The following NELL2 variants were observed in gnomAD, a reference collection of about 807,000 sequenced individuals.
NELL2 encodes the protein neural EGFL like 2.
Under a neutral mutation model 109.6 loss-of-function variants are expected in NELL2, and 41 were observed. The ratio of observed to expected loss-of-function variants is 0.37; its 90% CI spans 0.29 to 0.49. The LOEUF is 0.49. Ranked by LOEUF, NELL2 falls within the 20% of genes least tolerant of loss-of-function variation. NELL2 has a pLI of 0.98. For missense variants in NELL2, 900 were observed against 1,008.3 expected, an observed-to-expected ratio of 0.89 and a Z score of 1.45; for synonymous variants, 355 against 344.7, an observed-to-expected ratio of 1.03 and a Z score of -0.33.
chr12:44,574,974 T>C (rs1024234190), intron 15 of NELL2, among the ~76,000 whole-genome samples: 3 of 152,256 alleles, frequency 2.0e-5, no homozygotes, highest in African/African-American at 7.2e-5. Context: ...ATTAATTTAG[T>C]ATAAATTATA....
chr12:44,687,658 A>G (rs1592337643), intron 12 of NELL2, among the ~76,000 whole-genome samples: 1 of 152,220 alleles, frequency 6.6e-6, no homozygotes, highest in Non-Finnish European at 1.5e-5. Flanking sequence ...AGCAGTTGTT[A>G]ATTGACTTCA....
At chr12:44,589,478 G>A (rs548237997) in intron 15 of NELL2, among the ~76,000 whole-genome samples, 3 of 152,016 alleles carry the variant, frequency 2.0e-5, no homozygotes, top group South Asian at 4.2e-4. Context: ...CCACCTCCCA[G>A]GTTCAAATGA....
intron 16 of NELL2, among the ~76,000 whole-genome samples, chr12:44,523,815 G>A (rs1055060936): frequency 2.0e-5 from 3 of 152,138 alleles, no homozygotes; most frequent in Admixed American, 1.3e-4. Flanking sequence ...AAACAGTTTA[G>A]CAGTGGAAAT....
At chr12:44,777,782 C>A (rs1007386920) in intron 5 of NELL2, among the ~76,000 whole-genome samples, 1 of 152,144 alleles carries the variant, frequency 6.6e-6, no homozygotes, top group Non-Finnish European at 1.5e-5. Flanking sequence ...AAAGTGGGAT[C>A]TTTTAAAACT....
chr12:44,917,326 A>C (rs1017044936), upstream of NELL2, among the ~76,000 whole-genome samples: 2 of 152,224 alleles, frequency 1.3e-5, no homozygotes, highest in African/African-American at 4.8e-5. Flanking sequence ...ATTCAGAGAA[A>C]CCCAGCCCAA....
chr12:44,718,493 C>T (rs1938606056), intron 9 of NELL2, among the ~76,000 whole-genome samples: 1 of 152,168 alleles, frequency 6.6e-6, no homozygotes, highest in Admixed American at 6.5e-5. Flanking sequence ...TTCATTTCTT[C>T]CCTAGTTTTG....
intron 13 of NELL2, among the ~76,000 whole-genome samples, chr12:44,633,070 G>A (rs1030277158): frequency 4.0e-5 from 6 of 151,820 alleles, no homozygotes; most frequent in African/African-American, 1.4e-4. Flanking sequence ...ACACACACAT[G>A]CATACACACA....
chr12:44,729,294 T>G (rs1384712885), intron 9 of NELL2, among the ~76,000 whole-genome samples: 2 of 152,004 alleles, frequency 1.3e-5, no homozygotes, highest in Non-Finnish European at 2.9e-5. Flanking sequence ...TAAAATAGAT[T>G]GCTATATTTT....
At chr12:44,566,533 T>TCACACACACACACA (rs3071958) in intron 15 of NELL2, among the ~76,000 whole-genome samples, 4 of 148,760 alleles carry the variant, frequency 2.7e-5, no homozygotes, top group African/African-American at 1.0e-4. Flanking sequence ...TTACACATAC[T>TCACACACACACACA]CACACACACA....
At chr12:44,543,560 A>G (rs574439881) in intron 15 of NELL2, among the ~76,000 whole-genome samples, 1 of 152,336 alleles carries the variant, frequency 6.6e-6, no homozygotes, top group East Asian at 1.9e-4. Flanking sequence ...TAGGGAATAT[A>G]TGCTGTTATC....
chr12:44,819,422 G>T (rs1438826327), intron 2 of NELL2, among the ~76,000 whole-genome samples: 1 of 152,158 alleles, frequency 6.6e-6, no homozygotes, highest in Admixed American at 6.5e-5. Flanking sequence ...AAATCAAATT[G>T]ACTTTCTTTG....
At chr12:44,605,381 A>G (rs1185483260) in intron 15 of NELL2, among the ~76,000 whole-genome samples, 3 of 152,192 alleles carry the variant, frequency 2.0e-5, no homozygotes, top group African/African-American at 7.2e-5. Context: ...GCAACATAAC[A>G]TATAAACAGT....
At chr12:44,839,852 T>G (rs1944169096) in intron 2 of NELL2, among the ~76,000 whole-genome samples, 1 of 152,212 alleles carries the variant, frequency 6.6e-6, no homozygotes, top group Non-Finnish European at 1.5e-5. Context: ...TTGGGCTTAG[T>G]TACACTGCTT....
chr12:44,847,889 G>A (rs1023259659), intron 2 of NELL2, among the ~76,000 whole-genome samples: 1 of 151,832 alleles, frequency 6.6e-6, no homozygotes, highest in African/African-American at 2.4e-5. Flanking sequence ...AAAATTAGCT[G>A]GGTGTGGTGT....
chr12:44,577,649 T>C (rs984802035), intron 15 of NELL2, among the ~76,000 whole-genome samples: 1 of 151,890 alleles, frequency 6.6e-6, no homozygotes, highest in Non-Finnish European at 1.5e-5. Flanking sequence ...GCTAATTTTT[T>C]GTATTTTTTT....
chr12:44,696,805 C>A lies in NELL2; in HGVS notation c.1318+6921G>T, dbSNP rs887975005. Reference sequence around the variant, plus strand: ...TATCAGTAAACAAATCTTTCTTAGGCTCTACATTGCCTCTATTTTAGAAGT... The same window carrying A: ...TATCAGTAAACAAATCTTTCTTAGGATCTACATTGCCTCTATTTTAGAAGT... On this transcript the variant is annotated intron_variant, in intron 12 of 19. Coordinates refer to ENST00000429094, the MANE Select transcript of NELL2 (RefSeq NM_001145108.2). Among the ~76,000 whole-genome samples the A allele has an allele frequency of 3.3e-5, 5 of 152,152 alleles. No homozygotes were observed. In the East Asian group the frequency reaches 9.6e-4, roughly 29 times the overall value.
chr12:44,818,722 C>CTTTT (rs1555222479), intron 2 of NELL2, among the ~76,000 whole-genome samples: 1 of 104,944 alleles, frequency 9.5e-6, no homozygotes, highest in Non-Finnish European at 2.0e-5. Context: ...ATTTTGTTCA[C>CTTTT]TTATTTTTTT....
chr12:44,665,535 T>C lies in NELL2; in HGVS notation c.1393A>G (p.Met465Val). The change falls in exon 13 of 20, where the codon ATG becomes GTG. Residue 465 changes from methionine (M) to valine (V), a missense_variant. Physicochemically the swap from Met to Val is conservative, Grantham distance 21. Coordinates refer to ENST00000429094, the MANE Select transcript of NELL2 (RefSeq NM_001145108.2). ...ATGTATCCAGTTTTGCAGATGCACA[T>C]AAAAGAACCCGGGGTGTTGACACAC... is the stretch of plus-strand genomic sequence containing the variant. The part of the protein sequence containing the change: ...TMCVNTPGSF[M>V]CICKTGYIRI... 1 of 1,613,652 alleles carries C rather than the reference T, an allele frequency of 6.2e-7. No homozygotes were observed. The highest frequency in any genetic ancestry group is 8.5e-7 in the Non-Finnish European group (1 of 1,179,560).
intron 9 of NELL2, among the ~76,000 whole-genome samples, chr12:44,727,974 G>A (rs1250694645): frequency 6.6e-6 from 1 of 151,822 alleles, no homozygotes; most frequent in Non-Finnish European, 1.5e-5. Flanking sequence ...TTTCCCCTCA[G>A]CCACATTTAT....
Sources: gnomAD v4.1 joint callset for allele counts (sites outside exome capture counted in the v4.1 genomes callset) on GRCh38, gnomAD v4.1.1 for gene constraint, MANE v1.5 for transcripts, NCBI Gene and HGNC (gene_info 2026-07-23, HGNC 2026-07-21) for gene names.